SPEN: variants seen among roughly 807,000 people sequenced by gnomAD.
The protein encoded by SPEN is msx2-interacting protein.
In SPEN, 18 loss-of-function variants were observed where a neutral mutation model predicts 269.9. The ratio of observed to expected loss-of-function variants is 0.07; its 90% CI spans 0.05 to 0.10. SPEN has a LOEUF of 0.10. Ranked by LOEUF, SPEN falls within the 10% of genes least tolerant of loss-of-function variation. The pLI, the probability that SPEN is intolerant of heterozygous loss-of-function variation, is 1.00. For synonymous variants in SPEN, 1,726 were observed against 1,765.7 expected (o/e 0.98, Z 0.56); for missense variants, 3,822 against 4,631.2 (o/e 0.83, Z 5.07).
rs758122814 is a variant in SPEN, at chr1:15,934,595, C to T, written c.8355C>T (p.Phe2785=). 6.2e-7 allele frequency: 1 copy of T among 1,614,116 alleles called. No individual in the cohort carries two copies. ...QRASANENSR[F]HPGSMPVIDD... Reference sequence around the variant, plus strand: ...CGAGTGCTAATGAAAACAGTCGGTTCCACCCAGGGTCCATGCCTGTGATCG... The same window carrying T: ...CGAGTGCTAATGAAAACAGTCGGTTTCACCCAGGGTCCATGCCTGTGATCG... The change falls in exon 11 of 15, where the codon TTC becomes TTT. Residue 2785 remains phenylalanine (F), a synonymous_variant. Transcript: ENST00000375759. This position sits in a 1 kb window ranked among gnomAD's most constrained non-coding sequence, Gnocchi z 9.2.
At position 15,916,222 on chromosome 1, in the gene SPEN, A is replaced by G. The variant is rs763079520; in HGVS notation, c.1338A>G (p.Glu446=). The change falls in exon 6 of 15, where the codon GAA becomes GAG. Residue 446 remains glutamate (E), a synonymous_variant. Transcript: ENST00000375759. ...ATRTLFIGNL[E]KTTTYHDLRN... ...GAACTCTCTTTATTGGCAACCTTGA[A>G]AAAACCACTACTTACCATGACCTTC... is the stretch of plus-strand genomic sequence containing the variant. The G allele has an allele frequency of 4.3e-6, 7 of 1,613,970 alleles. No individual in the cohort carries two copies. In the African/African-American group the frequency reaches 6.7e-5, roughly 15 times the overall value.
chr1:15,870,802 G>T (rs1367223368), intron 1 of SPEN, among the ~76,000 whole-genome samples: 2 of 152,166 alleles, frequency 1.3e-5, no homozygotes, highest in Non-Finnish European at 2.9e-5. Flanking sequence ...GGATTTTAAA[G>T]CTTTGTGTAA....
chr1:15,901,329 AAAAAATAAAAAAT>A, intron 3 of SPEN, among the ~76,000 whole-genome samples: 1 of 151,368 alleles, frequency 6.6e-6, no homozygotes, highest in Non-Finnish European at 1.5e-5. Flanking sequence ...AAAAAAAATA[AAAAAATAAAAAAT>A]AAAAATAAAA....
chr1:15,873,089 A>G lies in SPEN; in HGVS notation c.357A>G (p.Pro119=), dbSNP rs776478531. The G allele has an allele frequency of 6.8e-6, 11 of 1,613,980 alleles. No individual in the cohort carries two copies. Among genetic ancestry groups the G allele is most frequent in the Admixed American group, 5.0e-5 (3 of 59,980 alleles). ...GTGGAGGGCCTGCTTATGGTCCCCC[A>G]CCGTCACTTCATGCACGAGAAGGAC... ...GGGGGPAYGP[P]PSLHAREGRY... Residue 119 remains proline (P), a synonymous_variant, in exon 2 of 15, where the codon CCA becomes CCG. Coordinates refer to ENST00000375759, the MANE Select transcript of SPEN (RefSeq NM_015001.3).
intron 3 of SPEN, among the ~76,000 whole-genome samples, chr1:15,907,219 T>TGA (rs1355266283): frequency 6.6e-6 from 1 of 152,210 alleles, no homozygotes; most frequent in Non-Finnish European, 1.5e-5. Context: ...TGTTGGCTCA[T>TGA]GCCTGTATTC....
At chr1:15,911,920 C>CA (rs1006729396) in intron 5 of SPEN, among the ~76,000 whole-genome samples, 13 of 152,180 alleles carry the variant, frequency 8.5e-5, no homozygotes, top group Admixed American at 6.5e-5. Context: ...GAGATTGCAC[C>CA]ACTGCACTCC....
chr1:15,934,495 G>A lies in SPEN; in HGVS notation c.8255G>A (p.Gly2752Asp). The change falls in exon 11 of 15, where the codon GGT becomes GAT. Residue 2752 changes from glycine (G) to aspartate (D), a missense_variant. Transcript: ENST00000375759. This position sits in a 1 kb window ranked among gnomAD's most constrained non-coding sequence, Gnocchi z 9.2. The part of the protein sequence containing the change: ...TAGAVTAASG[G>D]VTATTGTVTM... ...GGTGCGGTTACTGCTGCATCTGGTG[G>A]TGTAACGGCCACAACAGGCACGGTG... 1 of 1,614,080 alleles carries A rather than the reference G, an allele frequency of 6.2e-7. No individual in the cohort carries two copies. The highest frequency in any genetic ancestry group is 1.3e-5 in the African/African-American group (1 of 75,058).
intron 2 of SPEN, chr1:15,874,519 T>A: frequency 1.5e-6 from 1 of 648,746 alleles, no homozygotes; most frequent in Non-Finnish European, 2.2e-6. Flanking sequence ...CCATTAGATT[T>A]CAGCTCTGCT....
chr1:15,873,160 C>A, intron 2 of SPEN, 24 bp downstream of exon 2: 1 of 1,570,002 alleles, frequency 6.4e-7, no homozygotes, highest in Non-Finnish European at 8.7e-7. Context: ...TTTCTGTAGG[C>A]AGGTATTTTG....
Position 15,940,368 on chromosome 1 carries a change from CTT to C in SPEN, c.*942_*943del, listed in dbSNP as rs2071334168. ...GATCTCTTCCCCCAACTTCCTAACACTTATTAATTTATGAAACTGTTTTTCTC... is the reference window on the plus strand; with the variant it reads ...GATCTCTTCCCCCAACTTCCTAACACATTAATTTATGAAACTGTTTTTCTC... On this transcript the variant is annotated 3_prime_UTR_variant, in exon 15 of 15. Coordinates refer to ENST00000375759, the MANE Select transcript of SPEN (RefSeq NM_015001.3). 1 of 232,892 alleles carries C rather than the reference CTT, an allele frequency of 4.3e-6. No individual in the cohort carries two copies. The highest frequency in any genetic ancestry group is 5.6e-5 in the Admixed American group (1 of 17,756). The allele number at this position is 232,892 out of a possible 1,614,324, so 14.4% of individuals were successfully genotyped here. A position where few individuals can be genotyped will look rare whatever the true frequency, so the allele number is the denominator to read the frequency against.
chr1:15,874,043 A>G (rs1273902564), intron 2 of SPEN: 7 of 1,256,186 alleles, frequency 5.6e-6, no homozygotes, highest in Non-Finnish European at 6.2e-6. Context: ...TGCCTTCCTC[A>G]TTCGTTGGAA....
rs113293815 is a variant in SPEN, at chr1:15,904,712, C to T, written c.882-4609C>T. On this transcript the variant is annotated intron_variant, in intron 3 of 14. Coordinates refer to ENST00000375759, the MANE Select transcript of SPEN (RefSeq NM_015001.3). ...AGGTGATTCACCTGACTCGGCCTCCCAAAGTGCTGGGATTACAGGCATGAG... is the reference window on the plus strand; with the variant it reads ...AGGTGATTCACCTGACTCGGCCTCCTAAAGTGCTGGGATTACAGGCATGAG... Among the ~76,000 whole-genome samples the T allele has an allele frequency of 7.1e-3, 1,063 of 150,636 alleles. 23 individuals are homozygous for T. The highest frequency in any genetic ancestry group is 0.025 in the African/African-American group (1,008 of 41,030).
intron 3 of SPEN, among the ~76,000 whole-genome samples, chr1:15,889,427 A>G (rs1350306542): frequency 6.6e-6 from 1 of 151,908 alleles, no homozygotes; most frequent in African/African-American, 2.4e-5. Flanking sequence ...CAACCTCCCA[A>G]AGTGCTGGGA....
intron 3 of SPEN, among the ~76,000 whole-genome samples, chr1:15,889,770 A>G (rs1015694282): frequency 3.3e-5 from 5 of 151,978 alleles, no homozygotes; most frequent in Non-Finnish European, 7.4e-5. Flanking sequence ...CTGAAGAGCA[A>G]TGGCGCCATC....
At chr1:15,910,124 TAAAAAAAAAA>T (rs57198076) in intron 4 of SPEN, among the ~76,000 whole-genome samples, 2 of 65,706 alleles carry the variant, frequency 3.0e-5, no homozygotes, top group South Asian at 1.2e-3. Context: ...ACTCTGTCTC[TAAAAAAAAAA>T]AAAAAAAAAA....
intron 10 of SPEN, 137 bp from the exon 11 acceptor site, chr1:15,927,954 C>T (rs2071183407): frequency 2.4e-6 from 2 of 821,158 alleles, no homozygotes; most frequent in Non-Finnish European, 1.9e-6. Context: ...ATAGCTACTA[C>T]AAACTAATCA....
chr1:15,850,314 C>T (rs909063263), intron 1 of SPEN, among the ~76,000 whole-genome samples: 3 of 152,072 alleles, frequency 2.0e-5, no homozygotes, highest in African/African-American at 7.3e-5. Flanking sequence ...TTACCTATTG[C>T]AGAGTAAAAG....
chr1:15,877,587 G>A lies in SPEN; in HGVS notation c.881+909G>A, dbSNP rs1270938545. On this transcript the variant is annotated intron_variant, in intron 3 of 14. Transcript: ENST00000375759. ...AGCCAAAAAGTTTTATTTGAAAAGC[G>A]AAAATAGTAAGTTGAGGGTAATCTT... Among the ~76,000 whole-genome samples, 5 of 152,046 alleles carry A rather than the reference G, an allele frequency of 3.3e-5. No individual in the cohort carries two copies. In the South Asian group the frequency reaches 8.3e-4, roughly 25 times the overall value.
Position 15,931,169 on chromosome 1 carries a change from A to C in SPEN, c.4929A>C (p.Thr1643=). The stretch of plus-strand genomic sequence containing the variant: ...CTTCCGTTGGGCCTCCAAGTGTCAC[A>C]GTCGTAACTCTAGAATCAGCCCCAT... ...TPPSVGPPSV[T]VVTLESAPSA... is the part of the protein sequence containing the mutation. Residue 1643 remains threonine (T), a synonymous_variant, in exon 11 of 15, where the codon ACA becomes ACC. Coordinates refer to ENST00000375759, the MANE Select transcript of SPEN (RefSeq NM_015001.3). This position sits in a 1 kb window ranked among gnomAD's most constrained non-coding sequence, Gnocchi z 4.8. 1 of 1,614,250 alleles carries C rather than the reference A, an allele frequency of 6.2e-7. No individual in the cohort carries two copies. The highest frequency in any genetic ancestry group is 8.5e-7 in the Non-Finnish European group (1 of 1,180,046).
Sources: gnomAD v4.1 joint callset for allele counts (sites outside exome capture counted in the v4.1 genomes callset) on GRCh38, gnomAD v4.1.1 for gene constraint, Gnocchi (gnomAD v3.1) non-coding constraint, MANE v1.5 for transcripts, NCBI Gene and HGNC (gene_info 2026-07-23, HGNC 2026-07-21) for gene names.